Variants in ENKUR observed in about 807,000 individuals in gnomAD.
The protein encoded by ENKUR is enkurin.
In ENKUR, 19 loss-of-function variants were observed where a neutral mutation model predicts 27.6. That is an observed-to-expected ratio of 0.69 (90% CI 0.48 to 1.01). The LOEUF (loss-of-function observed/expected upper bound fraction) is 1.01. ENKUR is among the 50% of genes least tolerant of loss of function. The pLI is 0.00. For missense variants in ENKUR, 312 were observed against 310.5 expected, an observed-to-expected ratio of 1.00 and a Z score of -0.04; for synonymous variants, 117 against 96.9, an observed-to-expected ratio of 1.21 and a Z score of -1.22.
chr10:25,050,308 G>A (rs1365342724), intron 2 of ENKUR, among the ~76,000 whole-genome samples: 3 of 152,070 alleles, frequency 2.0e-5, no homozygotes, highest in Non-Finnish European at 4.4e-5. Context: ...CTGTTCTCAC[G>A]CTGCTAATAA....
chr10:25,045,869 G>A (rs1851116184), intron 2 of ENKUR, among the ~76,000 whole-genome samples: 1 of 152,150 alleles, frequency 6.6e-6, no homozygotes, highest in East Asian at 1.9e-4. Flanking sequence ...ACTGTATGCA[G>A]CAATTCTACC....
intron 2 of ENKUR, among the ~76,000 whole-genome samples, chr10:25,060,122 G>A (rs1372775435): frequency 3.9e-5 from 6 of 152,142 alleles, no homozygotes; most frequent in Non-Finnish European, 1.5e-5. Context: ...CTGTGAAGCC[G>A]ACCTGTCTGT....
At chr10:25,020,355 T>C (rs1484776585), upstream of ENKUR, among the ~76,000 whole-genome samples, 2 of 151,900 alleles carry the variant, frequency 1.3e-5, no homozygotes, top group East Asian at 1.9e-4. Flanking sequence ...AACTAACATA[T>C]AGGAAAAGTA....
intron 2 of ENKUR, among the ~76,000 whole-genome samples, chr10:25,054,457 T>TTTTCTTTC (rs55635166): frequency 0.094 from 9,430 of 100,722 alleles, 929 homozygotes; most frequent in Middle Eastern, 0.12. Context: ...GTTTTTTCTC[T>TTTTCTTTC]TTTCTTTCTT....
chr10:25,036,350 C>T (rs530973971), intron 2 of ENKUR, among the ~76,000 whole-genome samples: 1 of 152,152 alleles, frequency 6.6e-6, no homozygotes, highest in Non-Finnish European at 1.5e-5. Context: ...CACCTTCTGC[C>T]AGAATTATGA....
intron 1 of ENKUR, among the ~76,000 whole-genome samples, chr10:24,999,818 C>A (rs775989324): frequency 6.6e-6 from 1 of 151,974 alleles, no homozygotes; most frequent in Non-Finnish European, 1.5e-5. Flanking sequence ...GTGATGTCAC[C>A]CCTCTCATTC....
At chr10:25,061,074 A>C in intron 2 of ENKUR, 1 of 1,534,118 alleles carries the variant, frequency 6.5e-7, no homozygotes, top group Non-Finnish European at 8.7e-7. Context: ...CTGGCTGCCC[A>C]GATGCAAAAC....
chr10:24,999,262 T>A (rs1850135846), intron 2 of ENKUR, 139 bp downstream of exon 2: 2 of 826,904 alleles, frequency 2.4e-6, no homozygotes, highest in Non-Finnish European at 3.6e-6. Context: ...CTACTTCCAC[T>A]TTCTCCTAGT....
chr10:25,018,659 G>T (rs377073311), upstream of ENKUR, among the ~76,000 whole-genome samples: 394 of 93,436 alleles, frequency 4.2e-3, 5 homozygotes, highest in Middle Eastern at 0.028. Context: ...AATGAGAGTT[G>T]TTTTTTTTTT....
intron 1 of ENKUR, among the ~76,000 whole-genome samples, chr10:25,000,324 T>C (rs890930622): frequency 3.9e-4 from 60 of 152,290 alleles, no homozygotes; most frequent in African/African-American, 1.3e-3. Context: ...GTTCTATAAA[T>C]GACAACTAGG....
At chr10:25,024,678 C>T (rs376754802) in intron 2 of ENKUR, 164 of 1,614,074 alleles carry the variant, frequency 1.0e-4, no homozygotes, top group Admixed American at 2.2e-4. Context: ...ATCATGCTTC[C>T]GCATATCTTG....
In ENKUR at chr10:24,984,744, A is replaced by G; in HGVS notation, c.756T>C (p.Ile252=). ...GIIEKHKIIY[I]ANNA ...TAAAGATCCATTCTTACTTATTGGCAATATAAATAATCTTGTGCTTTTCAA... is the reference window on the plus strand; with the variant it reads ...TAAAGATCCATTCTTACTTATTGGCGATATAAATAATCTTGTGCTTTTCAA... The change falls in exon 5 of 6, where the codon ATT becomes ATC. Residue 252 remains isoleucine (I), a synonymous_variant. Coordinates refer to ENST00000331161, the MANE Select transcript of ENKUR (RefSeq NM_145010.4). 6.2e-7 allele frequency: 1 copy of G among 1,607,862 alleles called. No homozygotes were observed. The highest frequency in any genetic ancestry group is 8.5e-7 in the Non-Finnish European group (1 of 1,178,546).
chr10:25,032,679 C>T (rs1016670168), intron 2 of ENKUR, among the ~76,000 whole-genome samples: 2 of 152,152 alleles, frequency 1.3e-5, no homozygotes, highest in African/African-American at 4.8e-5. Flanking sequence ...AGTTTTCATG[C>T]CAGAGACATA....
At chr10:24,985,189 A>G (rs181137919) in intron 4 of ENKUR, among the ~76,000 whole-genome samples, 145 of 152,326 alleles carry the variant, frequency 9.5e-4, no homozygotes, top group African/African-American at 3.4e-3. Context: ...GTACACGCAG[A>G]GTTATGAGTA....
chr10:25,059,910 T>TA (rs571142883), intron 2 of ENKUR, among the ~76,000 whole-genome samples: 1 of 152,076 alleles, frequency 6.6e-6, no homozygotes, highest in Non-Finnish European at 1.5e-5. Flanking sequence ...AAGGAGAGGC[T>TA]AAAAAACCCT....
intron 3 of ENKUR, among the ~76,000 whole-genome samples, chr10:24,992,492 C>T (rs1210383912): frequency 1.3e-5 from 2 of 152,134 alleles, no homozygotes. Flanking sequence ...TAGCCATATG[C>T]CCTGAATTGC....
At chr10:24,991,160 C>T (rs933554090) in intron 3 of ENKUR, among the ~76,000 whole-genome samples, 1 of 152,022 alleles carries the variant, frequency 6.6e-6, no homozygotes, top group Non-Finnish European at 1.5e-5. Context: ...GAATGTTTCC[C>T]ACGCCTGCTC....
At chr10:25,023,563 G>A in intron 2 of ENKUR, 1 of 1,614,122 alleles carries the variant, frequency 6.2e-7, no homozygotes, top group Non-Finnish European at 8.5e-7. Context: ...ATTTTTAGAA[G>A]AGGAAGGAAA....
chr10:24,995,882 A>G lies in ENKUR; in HGVS notation c.224-13T>C, dbSNP rs776917798. ...TCAAAGTTTTTTTCTGTTAAATATA[A>G]CATTTCTTTGTTAATATTAAACTAC... On this transcript the variant is annotated splice_polypyrimidine_tract_variant and intron_variant, in intron 2 of 5. Coordinates refer to ENST00000331161, the MANE Select transcript of ENKUR (RefSeq NM_145010.4). The G allele has an allele frequency of 6.3e-7, 1 of 1,589,118 alleles. No homozygotes were observed. The highest frequency in any genetic ancestry group is 1.4e-5 in the African/African-American group (1 of 73,410).
Sources: allele counts gnomAD v4.1 joint callset (sites outside exome capture counted in the v4.1 genomes callset), GRCh38; gene constraint gnomAD v4.1.1; transcripts MANE v1.5; gene names NCBI Gene and HGNC (gene_info 2026-07-23, HGNC 2026-07-21).